FMOD: variants seen among roughly 807,000 people sequenced by gnomAD.
The protein encoded by FMOD is fibromodulin, also known as KSPG fibromodulin.
A neutral mutation model predicts 27.0 loss-of-function variants in FMOD; 15 were observed. That is an observed-to-expected ratio of 0.55 (90% confidence interval 0.37 to 0.85). The LOEUF is 0.85. FMOD is among the 40% of genes least tolerant of loss of function. The pLI, the probability that FMOD is intolerant of heterozygous loss-of-function variation, is 0.00. For missense variants in FMOD, 460 were observed against 483.2 expected (o/e 0.95, Z 0.45); for synonymous variants, 210 against 214.0 (o/e 0.98, Z 0.16).
chr1:203,348,214 C>T lies in FMOD; in HGVS notation c.57G>A (p.Gln19=), dbSNP rs1420619881. Residue 19 remains glutamine, a synonymous_variant, in exon 2 of 3, where the codon CAG becomes CAA. Coordinates refer to ENST00000354955, the MANE Select transcript of FMOD (RefSeq NM_002023.5). Reference sequence around the variant, plus strand: ...ACCACCAATGAGGGTCATCTTCATACTGGGCCTGGGAGAGGGAGAAGAGCC... The same window carrying T: ...ACCACCAATGAGGGTCATCTTCATATTGGGCCTGGGAGAGGGAGAAGAGCC... The part of the protein sequence containing the change: ...LAGLFSLSQA[Q]YEDDPHWWFH... The T allele has an allele frequency of 6.2e-7, 1 of 1,614,066 alleles. No individual in the cohort carries two copies. The highest frequency in any genetic ancestry group is 1.3e-5 in the African/African-American group (1 of 74,920).
chr1:203,348,168 G>T lies in FMOD; in HGVS notation c.103C>A (p.Gln35Lys). 1 of 1,614,198 alleles carries T rather than the reference G, an allele frequency of 6.2e-7. No individual in the cohort carries two copies. The highest frequency in any genetic ancestry group is 8.5e-7 in the Non-Finnish European group (1 of 1,180,034). Residue 35 changes from glutamine to lysine, a missense_variant, in exon 2 of 3, where the codon CAG (glutamine) becomes AAG (lysine). Coordinates refer to ENST00000354955, the MANE Select transcript of FMOD (RefSeq NM_002023.5). ...HWWFHYLRSQ[Q>K]STYYDPYDPY... ...TCATAGGGATCGTAGTAGGTGGACTGCTGGCTGCGGAGGTAGTGGAACCAC... is the reference window on the plus strand; with the variant it reads ...TCATAGGGATCGTAGTAGGTGGACTTCTGGCTGCGGAGGTAGTGGAACCAC...
In FMOD at chr1:203,348,165, A is replaced by G. The variant is rs747385609; in HGVS notation, c.106T>C (p.Ser36Pro). Residue 36 changes from serine to proline, a missense_variant, in exon 2 of 3, where the codon TCC becomes CCC. By Grantham distance (74) the Ser-to-Pro change is moderately conservative. Transcript: ENST00000354955. ...GGGTCATAGGGATCGTAGTAGGTGG[A>G]CTGCTGGCTGCGGAGGTAGTGGAAC... ...WWFHYLRSQQSTYYDPYDPYP... is the reference protein window; with the variant it reads ...WWFHYLRSQQPTYYDPYDPYP... The G allele has an allele frequency of 1.9e-6, 3 of 1,614,012 alleles. No individual in the cohort carries two copies. Among genetic ancestry groups the G allele is most frequent in the Non-Finnish European group, 1.7e-6 (2 of 1,180,016 alleles).
At chr1:203,342,541 C>G in intron 2 of FMOD, 47 bp from the exon 3 acceptor site, 1 of 1,581,448 alleles carries the variant, frequency 6.3e-7, no homozygotes, top group Non-Finnish European at 8.6e-7. Flanking sequence ...GCCCAGATTA[C>G]GAACCTGAAG....
rs780803961 is a variant in FMOD at position 203,347,764 on chromosome 1, C to T, written c.507G>A (p.Arg169=). 5.6e-6 allele frequency: 9 copies of T among 1,613,690 alleles called. No homozygotes were observed. Among genetic ancestry groups the T allele is most frequent in the Non-Finnish European group, 7.6e-6 (9 of 1,180,020 alleles). ...GGGATCGAGGCAGGGGACCGGGCATCCGGGTCAGGTTGTTGTGGTCCAGGT... is the reference window on the plus strand; with the variant it reads ...GGGATCGAGGCAGGGGACCGGGCATTCGGGTCAGGTTGTTGTGGTCCAGGT... ...RLYLDHNNLT[R]MPGPLPRSLR... Residue 169 remains arginine, a synonymous_variant, in exon 2 of 3, where the codon CGG becomes CGA. Coordinates refer to ENST00000354955, the MANE Select transcript of FMOD (RefSeq NM_002023.5).
chr1:203,347,825 T>C lies in FMOD; in HGVS notation c.446A>G (p.Lys149Arg), dbSNP rs752112437. Reference protein sequence around the residue: ...NQITSDKVGRKVFSKLRHLER... With the variant: ...NQITSDKVGRRVFSKLRHLER... ...CAGGTGCCTCAGCTTGGAGAAGACC[T>C]TCCTGCCCACCTTATCACTGGTGAT... is the stretch of plus-strand genomic sequence containing the variant. The change falls in exon 2 of 3, where the codon AAG becomes AGG. Residue 149 changes from lysine (K) to arginine (R), a missense_variant. Coordinates refer to ENST00000354955, the MANE Select transcript of FMOD (RefSeq NM_002023.5). The C allele has an allele frequency of 6.2e-7, 1 of 1,614,000 alleles. No individual in the cohort carries two copies. The highest frequency in any genetic ancestry group is 2.2e-5 in the East Asian group (1 of 44,882).
intron 2 of FMOD, among the ~76,000 whole-genome samples, chr1:203,343,298 C>G (rs1658828892): frequency 6.6e-6 from 1 of 152,174 alleles, no homozygotes; most frequent in African/African-American, 2.4e-5. Context: ...TAGCATAAAT[C>G]TTTCTGTTGC....
chr1:203,348,409 A>T (rs1266371713), intron 1 of FMOD, 132 bp from the exon 2 acceptor site: 1 of 922,222 alleles, frequency 1.1e-6, no homozygotes, highest in Non-Finnish European at 1.6e-6. Context: ...TGAGAGCAGG[A>T]GCCTTGCTCT....
Position 203,342,328 on chromosome 1 carries a change from C to T in FMOD, c.*15G>A, listed in dbSNP as rs775111384. On this transcript the variant is annotated 3_prime_UTR_variant, in exon 3 of 3. Transcript: ENST00000354955. ...CCACGGGGGCTCTCCGCCCAGTACC[C>T]GGTGCCAGGGCTGCTCAGATCTCGA... 20 of 1,602,022 alleles carry T rather than the reference C, an allele frequency of 1.2e-5. No homozygotes were observed. The highest frequency in any genetic ancestry group is 4.4e-5 in the South Asian group (4 of 90,504).
chr1:203,346,825 T>G (rs1280627497), intron 2 of FMOD, among the ~76,000 whole-genome samples: 2 of 152,168 alleles, frequency 1.3e-5, no homozygotes, highest in African/African-American at 4.8e-5. Flanking sequence ...TAAATCTCCC[T>G]CCCTTTGAAG....
chr1:203,348,472 C>T (rs1658936141), intron 1 of FMOD, among the ~76,000 whole-genome samples, 195 bp from the exon 2 acceptor site: 1 of 152,192 alleles, frequency 6.6e-6, no homozygotes, highest in Non-Finnish European at 1.5e-5. Context: ...CCAGCCGGAC[C>T]ATGGCTATTT....
intron 2 of FMOD, among the ~76,000 whole-genome samples, chr1:203,345,665 G>C (rs542193902): frequency 4.6e-5 from 7 of 152,268 alleles, no homozygotes; most frequent in Middle Eastern, 3.4e-3. Flanking sequence ...TTGGGAGGCC[G>C]AGGCAGGCAG....
At chr1:203,342,694 C>T (rs1006982603) in intron 2 of FMOD, among the ~76,000 whole-genome samples, 200 bp from the exon 3 acceptor site, 11 of 152,134 alleles carry the variant, frequency 7.2e-5, no homozygotes, top group African/African-American at 2.2e-4. Flanking sequence ...ACTGTGCCTG[C>T]GTCTGCAGCT....
At chr1:203,350,106 C>T (rs1034219000) in intron 1 of FMOD, among the ~76,000 whole-genome samples, 5 of 152,256 alleles carry the variant, frequency 3.3e-5, no homozygotes, top group Non-Finnish European at 5.9e-5. Flanking sequence ...GTTTCTCCTT[C>T]TTTCAGACTG....
Position 203,342,119 on chromosome 1 carries a change from C to A in FMOD, c.*224G>T. On this transcript the variant is annotated 3_prime_UTR_variant, in exon 3 of 3. Coordinates refer to ENST00000354955, the MANE Select transcript of FMOD (RefSeq NM_002023.5). Reference sequence around the variant, plus strand: ...ATCCAGGGATCCTTCCATCTACCACCACTTCTGTCCCTGGAAAAGAGTGAG... The same window carrying A: ...ATCCAGGGATCCTTCCATCTACCACAACTTCTGTCCCTGGAAAAGAGTGAG... The A allele has an allele frequency of 2.0e-6, 1 of 499,848 alleles. No individual in the cohort carries two copies. The highest frequency in any genetic ancestry group is 3.7e-5 in the Admixed American group (1 of 27,100). The allele number at this position is 499,848 out of a possible 1,614,324, so 31.0% of individuals were successfully genotyped here. A position where few individuals can be genotyped will look rare whatever the true frequency, so the allele number is the denominator to read the frequency against.
chr1:203,347,067 GTCT>G (rs1276780341), intron 2 of FMOD, among the ~76,000 whole-genome samples: 2 of 152,168 alleles, frequency 1.3e-5, no homozygotes, highest in Admixed American at 6.5e-5. Flanking sequence ...CTCCTGGAAA[GTCT>G]TCTTCTGTAC....
At chr1:203,343,812 A>G (rs1658841188) in intron 2 of FMOD, among the ~76,000 whole-genome samples, 1 of 152,236 alleles carries the variant, frequency 6.6e-6, no homozygotes, top group Non-Finnish European at 1.5e-5. Context: ...GAAAGACAGC[A>G]TGGAGAGCTT....
rs910119332 is a variant in FMOD at position 203,340,827 on chromosome 1, G to C, written c.*1516C>G. On this transcript the variant is annotated 3_prime_UTR_variant, in exon 3 of 3. Coordinates refer to ENST00000354955, the MANE Select transcript of FMOD (RefSeq NM_002023.5). ...TTGGCTTTTGTGGATTCCAGGTCTG[G>C]AGCCAAGAACGTAGTCCAAAGATCC... 29 of 152,384 alleles carry C rather than the reference G, an allele frequency of 1.9e-4. No homozygotes were observed. The highest frequency in any genetic ancestry group is 7.0e-4 in the African/African-American group (29 of 41,580). 9.4% of individuals were successfully genotyped at this position (152,384 alleles called of 1,614,324 possible). A position where few individuals can be genotyped will look rare whatever the true frequency, so the allele number is the denominator to read the frequency against.
rs1658797041 is a variant in FMOD at position 203,341,675 on chromosome 1, T to C, written c.*668A>G. On this transcript the variant is annotated 3_prime_UTR_variant, in exon 3 of 3. Coordinates refer to ENST00000354955, the MANE Select transcript of FMOD (RefSeq NM_002023.5). The stretch of plus-strand genomic sequence containing the variant: ...ATCATCATGCTGGTGACCTCCAATC[T>C]GGTGGCTTTCCAGGGGTGAGGTTAG... 1 of 152,336 alleles carries C rather than the reference T, an allele frequency of 6.6e-6. No homozygotes were observed. Among genetic ancestry groups the C allele is most frequent in the South Asian group, 2.1e-4 (1 of 4,832 alleles). The allele number at this position is 152,336 out of a possible 1,614,324, so 9.4% of individuals were successfully genotyped here. A position where few individuals can be genotyped will look rare whatever the true frequency, so the allele number is the denominator to read the frequency against.
intron 1 of FMOD, among the ~76,000 whole-genome samples, chr1:203,349,347 G>A (rs1439392158): frequency 6.6e-6 from 1 of 152,192 alleles, no homozygotes; most frequent in Non-Finnish European, 1.5e-5. Context: ...AGATGACCAG[G>A]CTCTGTGTCT....
Sources: allele counts gnomAD v4.1 joint callset (sites outside exome capture counted in the v4.1 genomes callset), GRCh38; gene constraint gnomAD v4.1.1; transcripts MANE v1.5; gene names NCBI Gene and HGNC (gene_info 2026-07-23, HGNC 2026-07-21).